PCDH9: variants seen among roughly 807,000 people sequenced by gnomAD.
PCDH9 encodes the protein protocadherin 9, also known as protocadherin-9.
A neutral mutation model predicts 70.6 loss-of-function variants in PCDH9; 24 were observed. The ratio of observed to expected loss-of-function variants is 0.34; its 90% confidence interval spans 0.25 to 0.48. The LOEUF (loss-of-function observed/expected upper bound fraction) is 0.48. Among genes scored for constraint, PCDH9 ranks in the 20% least tolerant of loss-of-function variants. The pLI, the probability that PCDH9 is intolerant of heterozygous loss-of-function variation, is 0.99. For synonymous variants in PCDH9, 562 were observed against 558.5 expected (o/e 1.01, Z -0.09); for missense variants, 1,281 against 1,503.6 (o/e 0.85, Z 2.45).
intron 3 of PCDH9, among the ~76,000 whole-genome samples, chr13:66,899,641 A>G (rs1594229015): frequency 6.6e-6 from 1 of 151,994 alleles, no homozygotes; most frequent in East Asian, 1.9e-4. Context: ...TGCTTGCATT[A>G]TATACTGTTT....
intron 3 of PCDH9, among the ~76,000 whole-genome samples, chr13:66,668,096 G>A (rs1434108347): frequency 6.6e-6 from 1 of 152,084 alleles, no homozygotes; most frequent in Non-Finnish European, 1.5e-5. Context: ...TTGTTTCTCT[G>A]TCTCTGTAGA....
At chr13:66,413,693 TAAATA>T (rs890562102) in intron 4 of PCDH9, among the ~76,000 whole-genome samples, 46 of 151,622 alleles carry the variant, frequency 3.0e-4, no homozygotes, top group Middle Eastern at 3.4e-3. Context: ...CTTAAAAAAA[TAAATA>T]AAATAAAATA....
At chr13:66,818,494 A>T (rs147961446) in intron 3 of PCDH9, among the ~76,000 whole-genome samples, 22 of 152,354 alleles carry the variant, frequency 1.4e-4, no homozygotes, top group African/African-American at 5.0e-4. Flanking sequence ...ATGCTGTGAC[A>T]TAGTATCTGC....
chr13:66,568,416 TACACACACGC>T (rs752583461), intron 4 of PCDH9, among the ~76,000 whole-genome samples: 50 of 149,070 alleles, frequency 3.4e-4, no homozygotes, highest in African/African-American at 1.1e-3. Flanking sequence ...CACAGACACA[TACACACACGC>T]ACACGCACAC....
At chr13:66,491,226 T>C (rs1250820613) in intron 4 of PCDH9, among the ~76,000 whole-genome samples, 1 of 152,180 alleles carries the variant, frequency 6.6e-6, no homozygotes, top group African/African-American at 2.4e-5. Flanking sequence ...TAGTTGTTCT[T>C]TTTTAAACAG....
chr13:67,108,905 G>A (rs1401988347), intron 2 of PCDH9, among the ~76,000 whole-genome samples: 3 of 151,968 alleles, frequency 2.0e-5, no homozygotes, highest in Admixed American at 1.3e-4. Flanking sequence ...TATTAATTAG[G>A]CCACCAAAAT....
Position 67,226,779 on chromosome 13 carries a change from G to A in PCDH9, c.1662C>T (p.Ser554=), listed in dbSNP as rs777939641. 6 of 1,613,986 alleles carry A rather than the reference G, an allele frequency of 3.7e-6. No individual in the cohort carries two copies. The highest frequency in any genetic ancestry group is 2.5e-6 in the Non-Finnish European group (3 of 1,180,010). The part of the protein sequence containing the change: ...ARDNGTPPLQ[S]QAAVIVTVLD... ...GAACAGTAACAATCACAGCCGCTTGGCTTTGGAGGGGAGGGGTCCCATTGT... is the reference window on the plus strand; with the variant it reads ...GAACAGTAACAATCACAGCCGCTTGACTTTGGAGGGGAGGGGTCCCATTGT... The change falls in exon 2 of 5, where the codon AGC becomes AGT. Residue 554 remains serine (S), a synonymous_variant. Coordinates refer to ENST00000377865, the MANE Select transcript of PCDH9 (RefSeq NM_203487.3). This position sits in a 1 kb window ranked among gnomAD's most constrained non-coding sequence, Gnocchi z 5.0.
rs1323886375 is a variant in PCDH9, at chr13:66,739,375, C to T, written c.3139-107964G>A. On this transcript the variant is annotated intron_variant, in intron 3 of 4. Transcript: ENST00000377865. ...ATGGAAAGGAACAACCGGTACCAGCCGCTGCAAAATCATGCCAAAATATAA... is the reference window on the plus strand; with the variant it reads ...ATGGAAAGGAACAACCGGTACCAGCTGCTGCAAAATCATGCCAAAATATAA... Among the ~76,000 whole-genome samples the T allele has an allele frequency of 6.7e-5, 10 of 149,548 alleles. No homozygotes were observed. The South Asian group carries it at 1.1e-3, about 16-fold the overall frequency.
chr13:66,917,528 T>C lies in PCDH9; in HGVS notation c.3037-13923A>G, dbSNP rs113264335. Among the ~76,000 whole-genome samples the C allele has an allele frequency of 8.5e-3, 1,293 of 151,502 alleles. 20 individuals carry two copies. The highest frequency in any genetic ancestry group is 0.03 in the African/African-American group (1,231 of 41,422). On this transcript the variant is annotated intron_variant, in intron 2 of 4. Transcript: ENST00000377865. The stretch of plus-strand genomic sequence containing the variant: ...AGATATTATCTCAAGAGGGCTCTGG[T>C]CGAATAAATGTGTTGACATGCTATT...
chr13:66,857,655 G>T (rs970538031), intron 3 of PCDH9, among the ~76,000 whole-genome samples: 1 of 151,854 alleles, frequency 6.6e-6, no homozygotes, highest in Non-Finnish European at 1.5e-5. Flanking sequence ...CTTTATTTGG[G>T]GGCTGTATAT....
chr13:66,924,295 C>G (rs1358720842), intron 2 of PCDH9, among the ~76,000 whole-genome samples: 1 of 151,660 alleles, frequency 6.6e-6, no homozygotes, highest in Non-Finnish European at 1.5e-5. Flanking sequence ...AAGCATTAAC[C>G]CTTTCAGGTA....
intron 2 of PCDH9, among the ~76,000 whole-genome samples, chr13:67,074,126 C>G (rs921952891): frequency 6.6e-6 from 1 of 151,430 alleles, no homozygotes; most frequent in African/African-American, 2.4e-5. Flanking sequence ...ATCTATCTGT[C>G]TATCTATCTA....
intron 4 of PCDH9, among the ~76,000 whole-genome samples, chr13:66,440,215 C>T (rs572096953): frequency 5.3e-5 from 8 of 152,206 alleles, no homozygotes; most frequent in African/African-American, 9.6e-5. Flanking sequence ...AACAATTCTA[C>T]GGAAACATTT....
chr13:66,321,480 A>G lies in PCDH9; in HGVS notation c.3341-16452T>C, dbSNP rs570257135. Among the ~76,000 whole-genome samples the G allele has an allele frequency of 2.0e-5, 3 of 151,762 alleles. No individual in the cohort carries two copies. In the South Asian group the frequency reaches 6.2e-4, roughly 32 times the overall value. ...GCAGATTTGAACTGATATAAACTAC[A>G]TTTTTCGGTTGATGGTCCTCACTAC... On this transcript the variant is annotated intron_variant, in intron 4 of 4. Transcript: ENST00000377865.
At chr13:66,462,353 A>G (rs1011233651) in intron 4 of PCDH9, among the ~76,000 whole-genome samples, 1 of 151,942 alleles carries the variant, frequency 6.6e-6, no homozygotes, top group Non-Finnish European at 1.5e-5. Flanking sequence ...GAAGAATTAA[A>G]GTGCCGTTAT....
rs556440675 is a variant in PCDH9 at position 66,363,617 on chromosome 13, A to G, written c.3341-58589T>C. Reference sequence around the variant, plus strand: ...TCCATCATTTTTGCTTATTTTGTAGACACAAAACCAACTCCACAGAAAATT... The same window carrying G: ...TCCATCATTTTTGCTTATTTTGTAGGCACAAAACCAACTCCACAGAAAATT... On this transcript the variant is annotated intron_variant, in intron 4 of 4. Coordinates refer to ENST00000377865, the MANE Select transcript of PCDH9 (RefSeq NM_203487.3). Among the ~76,000 whole-genome samples the G allele has an allele frequency of 1.3e-4, 20 of 152,294 alleles. 1 individual carries two copies. The South Asian group carries it at 3.7e-3, about 28-fold the overall frequency.
chr13:66,382,078 A>G (rs758426790), intron 4 of PCDH9, among the ~76,000 whole-genome samples: 1 of 152,190 alleles, frequency 6.6e-6, no homozygotes, highest in Non-Finnish European at 1.5e-5. Context: ...AGAAGTTGTT[A>G]TATAAAGATG....
intron 4 of PCDH9, among the ~76,000 whole-genome samples, chr13:66,568,416 TACAC>T (rs60849369): frequency 0.34 from 51,113 of 148,964 alleles, 9,048 homozygotes; most frequent in African/African-American, 0.45. Context: ...CACAGACACA[TACAC>T]ACACGCACAC....
intron 4 of PCDH9, among the ~76,000 whole-genome samples, chr13:66,462,144 C>T (rs369446259): frequency 6.6e-6 from 1 of 151,830 alleles, no homozygotes; most frequent in East Asian, 1.9e-4. Context: ...AACCATGCTC[C>T]CCCAACCCCT....
Sources: allele counts gnomAD v4.1 joint callset (sites outside exome capture counted in the v4.1 genomes callset), GRCh38; gene constraint gnomAD v4.1.1; non-coding constraint Gnocchi (gnomAD v3.1); transcripts MANE v1.5; gene names NCBI Gene and HGNC (gene_info 2026-07-23, HGNC 2026-07-21).